Variants in VAC14 observed in about 807,000 individuals in gnomAD.
VAC14 encodes protein VAC14 homolog.
A neutral mutation model predicts 85.3 loss-of-function variants in VAC14; 47 were observed. The ratio of observed to expected loss-of-function variants is 0.55; its 90% confidence interval spans 0.44 to 0.70. The LOEUF is 0.70. Ranked by LOEUF, VAC14 falls within the 30% of genes least tolerant of loss-of-function variation. The pLI, the probability that VAC14 is intolerant of heterozygous loss-of-function variation, is 0.00. For synonymous variants in VAC14, 447 were observed against 430.5 expected (o/e 1.04, Z -0.47); for missense variants, 861 against 1,004.3 (o/e 0.86, Z 1.93).
At chr16:70,696,310 T>G (rs2053709225) in intron 16 of VAC14, among the ~76,000 whole-genome samples, 1 of 152,050 alleles carries the variant, frequency 6.6e-6, no homozygotes, top group Non-Finnish European at 1.5e-5. Flanking sequence ...GTCAGGAGTT[T>G]GAGACTAGCC....
intron 12 of VAC14, 56 bp from the exon 13 acceptor site, chr16:70,744,635 C>G: frequency 6.6e-7 from 1 of 1,521,368 alleles, no homozygotes; most frequent in African/African-American, 1.4e-5. Context: ...CTGTGCTGAC[C>G]TGGGCAGAGG....
At chr16:70,761,575 T>A (rs986875499) in intron 12 of VAC14, among the ~76,000 whole-genome samples, 1 of 152,134 alleles carries the variant, frequency 6.6e-6, no homozygotes, top group African/African-American at 2.4e-5. Flanking sequence ...TGGGCATGGC[T>A]GAGAATGGAG....
At chr16:70,766,859 AG>A (rs1380151105) in intron 10 of VAC14, among the ~76,000 whole-genome samples, 2 of 152,142 alleles carry the variant, frequency 1.3e-5, no homozygotes, top group African/African-American at 4.8e-5. Flanking sequence ...CATGCTCAGC[AG>A]GGGAACTGGG....
chr16:70,712,194 TC>T (rs983779059), intron 14 of VAC14, among the ~76,000 whole-genome samples: 4 of 152,158 alleles, frequency 2.6e-5, no homozygotes, highest in African/African-American at 4.8e-5. Flanking sequence ...CAGGAAATCT[TC>T]CCTGGATTAA....
At chr16:70,692,288 C>G (rs1290536854) in intron 18 of VAC14, among the ~76,000 whole-genome samples, 1 of 151,640 alleles carries the variant, frequency 6.6e-6, no homozygotes, top group Non-Finnish European at 1.5e-5. Context: ...TTGAGTGTAC[C>G]CCTGCCTCCC....
chr16:70,742,733 G>T (rs1567557437), intron 13 of VAC14, among the ~76,000 whole-genome samples: 1 of 152,232 alleles, frequency 6.6e-6, no homozygotes, highest in East Asian at 1.9e-4. Flanking sequence ...AAAGGGCTGG[G>T]GCGCCTCCCA....
At chr16:70,740,108 G>A (rs1432252817) in intron 13 of VAC14, among the ~76,000 whole-genome samples, 2 of 152,084 alleles carry the variant, frequency 1.3e-5, no homozygotes, top group South Asian at 2.1e-4. Context: ...TTACAGGCAC[G>A]CACCACTACG....
At chr16:70,717,228 C>T (rs535308349) in intron 14 of VAC14, among the ~76,000 whole-genome samples, 1 of 152,340 alleles carries the variant, frequency 6.6e-6, no homozygotes, top group East Asian at 1.9e-4. Flanking sequence ...GACATGAGCC[C>T]AGGACAGGTG....
intron 9 of VAC14, chr16:70,773,320 C>T (rs546261246): frequency 6.6e-6 from 1 of 152,318 alleles, no homozygotes; most frequent in South Asian, 2.1e-4. Flanking sequence ...CAACTCAATA[C>T]CTGTCTTAGT....
intron 12 of VAC14, among the ~76,000 whole-genome samples, chr16:70,750,599 G>A (rs2031302832): frequency 6.6e-6 from 1 of 152,024 alleles, no homozygotes; most frequent in Non-Finnish European, 1.5e-5. Context: ...CGAGGGGAGA[G>A]GGCTTTTTGC....
intron 12 of VAC14, among the ~76,000 whole-genome samples, chr16:70,748,971 A>G (rs1004996111): frequency 3.9e-5 from 6 of 151,982 alleles, no homozygotes; most frequent in Non-Finnish European, 4.4e-5. Context: ...AAAACCATAA[A>G]CCAAAAAAGA....
At chr16:70,732,777 G>C (rs367909412) in intron 13 of VAC14, among the ~76,000 whole-genome samples, 2 of 151,966 alleles carry the variant, frequency 1.3e-5, no homozygotes, top group East Asian at 3.9e-4. Context: ...TGAGTGCTGA[G>C]ATTACAGGCA....
At chr16:70,749,120 C>T (rs9922097) in intron 12 of VAC14, among the ~76,000 whole-genome samples, 14,099 of 152,226 alleles carry the variant, frequency 0.093, 1,939 homozygotes, top group African/African-American at 0.3. Context: ...GCACGAAAAG[C>T]GGGCACACAA....
intron 14 of VAC14, among the ~76,000 whole-genome samples, chr16:70,705,700 C>G (rs2053907653): frequency 6.6e-6 from 1 of 152,096 alleles, no homozygotes; most frequent in East Asian, 1.9e-4. Context: ...TCTACTCCAG[C>G]CCTCACTGGC....
intron 14 of VAC14, among the ~76,000 whole-genome samples, chr16:70,728,700 C>A (rs963154602): frequency 6.6e-6 from 1 of 152,200 alleles, no homozygotes; most frequent in Non-Finnish European, 1.5e-5. Context: ...GCGTCTTGGT[C>A]ATGTGGGGCT....
intron 14 of VAC14, among the ~76,000 whole-genome samples, chr16:70,718,257 G>A (rs141905965): frequency 2.0e-4 from 31 of 152,320 alleles, no homozygotes; most frequent in African/African-American, 6.3e-4. Context: ...GATGATCCCC[G>A]TCTGCATTTC....
chr16:70,762,258 C>G lies in VAC14; in HGVS notation c.1371+282G>C, dbSNP rs1008130283. Among the ~76,000 whole-genome samples, 4 of 152,140 alleles carry G rather than the reference C, an allele frequency of 2.6e-5. No individual in the cohort carries two copies. Among genetic ancestry groups the G allele is most frequent in the Non-Finnish European group, 5.9e-5 (4 of 68,030 alleles). On this transcript the variant is annotated intron_variant, in intron 12 of 18. Transcript: ENST00000261776. This position sits in a 1 kb window ranked among gnomAD's most constrained non-coding sequence, Gnocchi z 4.1. ...GAGCAGCTGGGAGTACAGGCGTGCA[C>G]CACCACGCCCGGCTAATTTTTGTAT... is the stretch of plus-strand genomic sequence containing the variant.
chr16:70,722,041 G>A (rs1472161392), intron 14 of VAC14, among the ~76,000 whole-genome samples: 1 of 152,224 alleles, frequency 6.6e-6, no homozygotes, highest in African/African-American at 2.4e-5. Flanking sequence ...CTAGGACTGG[G>A]GACGAGGGCA....
chr16:70,740,548 C>T (rs376335222), intron 13 of VAC14, among the ~76,000 whole-genome samples: 2 of 152,186 alleles, frequency 1.3e-5, no homozygotes, highest in Admixed American at 6.5e-5. Flanking sequence ...GCTCAGGGTA[C>T]GGCGGGCCCA....
Sources: allele counts gnomAD v4.1 joint callset (sites outside exome capture counted in the v4.1 genomes callset), GRCh38; gene constraint gnomAD v4.1.1; non-coding constraint Gnocchi (gnomAD v3.1); transcripts MANE v1.5; gene names NCBI Gene and HGNC (gene_info 2026-07-23, HGNC 2026-07-21).